RIPK1: variants seen among roughly 807,000 people sequenced by gnomAD.
RIPK1 encodes the protein receptor-interacting serine/threonine-protein kinase 1.
Under a neutral mutation model 62.4 loss-of-function variants are expected in RIPK1, and 27 were observed. The ratio of observed to expected loss-of-function variants is 0.43; its 90% CI spans 0.32 to 0.60. RIPK1 has a LOEUF of 0.60. Among genes scored for constraint, RIPK1 ranks in the 20% least tolerant of loss-of-function variants. The pLI, the probability that RIPK1 is intolerant of heterozygous loss-of-function variation, is 0.07. For missense variants in RIPK1, 735 were observed against 831.0 expected (o/e 0.88, Z 1.42); for synonymous variants, 287 against 303.2 (o/e 0.95, Z 0.55).
intron 1 of RIPK1, among the ~76,000 whole-genome samples, chr6:3,075,086 C>G (rs1391934587): frequency 6.6e-6 from 1 of 152,218 alleles, no homozygotes; most frequent in Non-Finnish European, 1.5e-5. Flanking sequence ...TGTCCGTGTC[C>G]TGTTGGTTTG....
intron 9 of RIPK1, among the ~76,000 whole-genome samples, chr6:3,107,907 A>G (rs1323494587): frequency 6.6e-6 from 1 of 151,882 alleles, no homozygotes; most frequent in Non-Finnish European, 1.5e-5. Flanking sequence ...TCTACAATAG[A>G]TAATAGAATT....
intron 7 of RIPK1, among the ~76,000 whole-genome samples, chr6:3,098,779 T>C (rs1164165993): frequency 6.6e-6 from 1 of 152,172 alleles, no homozygotes; most frequent in East Asian, 1.9e-4. Context: ...AGTTGGAGAT[T>C]GGGGTGCAAG....
chr6:3,065,175 T>C (rs28458210), upstream of RIPK1, among the ~76,000 whole-genome samples: 3,610 of 143,822 alleles, frequency 0.025, 66 homozygotes, highest in South Asian at 0.072. Flanking sequence ...GAGAATGGCG[T>C]GAACCCGGGA....
At chr6:3,081,887 A>T in intron 4 of RIPK1, among the ~76,000 whole-genome samples, 1 of 144,976 alleles carries the variant, frequency 6.9e-6, no homozygotes, top group African/African-American at 2.7e-5. Flanking sequence ...AAAAAAAAAA[A>T]AAAAAAAAAA....
At chr6:3,078,682 G>C (rs1759223889) in intron 3 of RIPK1, among the ~76,000 whole-genome samples, 1 of 152,206 alleles carries the variant, frequency 6.6e-6, no homozygotes. Context: ...ATTCAACAAA[G>C]TTTTATTTTA....
At chr6:3,098,077 C>T (rs1006136706) in intron 7 of RIPK1, among the ~76,000 whole-genome samples, 5 of 152,120 alleles carry the variant, frequency 3.3e-5, no homozygotes, top group African/African-American at 7.2e-5. Flanking sequence ...TGCCCACTTT[C>T]GGTCCCAGCT....
chr6:3,085,528 T>A, intron 6 of RIPK1, 120 bp downstream of exon 6: 2 of 1,016,464 alleles, frequency 2.0e-6, no homozygotes, highest in Non-Finnish European at 2.9e-6. Flanking sequence ...CTTGTGGTTT[T>A]AAACTGATTT....
intron 7 of RIPK1, among the ~76,000 whole-genome samples, chr6:3,097,638 A>G (rs1270114458): frequency 6.6e-6 from 1 of 152,214 alleles, no homozygotes; most frequent in East Asian, 1.9e-4. Flanking sequence ...TTATAAAGCT[A>G]TTGGAAAATA....
chr6:3,077,959 G>A, intron 3 of RIPK1, 24 bp downstream of exon 3: 1 of 1,611,674 alleles, frequency 6.2e-7, no homozygotes, highest in East Asian at 2.2e-5. Context: ...CTCCGCACGG[G>A]GATCCCCAGC....
chr6:3,087,101 A>G (rs1257116127), intron 6 of RIPK1, among the ~76,000 whole-genome samples: 1 of 152,106 alleles, frequency 6.6e-6, no homozygotes, highest in Non-Finnish European at 1.5e-5. Context: ...CTGTCATTCT[A>G]AAATTTTTTT....
chr6:3,107,418 A>T (rs1165908277), intron 9 of RIPK1, among the ~76,000 whole-genome samples: 2 of 149,952 alleles, frequency 1.3e-5, no homozygotes, highest in South Asian at 2.1e-4. Flanking sequence ...AAAAAAAAAA[A>T]GCTGGGCATA....
chr6:3,094,110 GTACCTACC>G (rs1561765257), intron 7 of RIPK1, among the ~76,000 whole-genome samples: 12 of 137,550 alleles, frequency 8.7e-5, no homozygotes, highest in Middle Eastern at 3.5e-3. Context: ...TAACTGCAGA[GTACCTACC>G]TGCCGCACCT....
At chr6:3,097,194 T>C (rs1057260286) in intron 7 of RIPK1, among the ~76,000 whole-genome samples, 1 of 152,046 alleles carries the variant, frequency 6.6e-6, no homozygotes, top group African/African-American at 2.4e-5. Context: ...TTTAGTTTTG[T>C]GTGTGTGTGG....
chr6:3,066,554 G>C (rs190774209), upstream of RIPK1, among the ~76,000 whole-genome samples: 112 of 151,998 alleles, frequency 7.4e-4, no homozygotes, highest in African/African-American at 2.7e-3. Flanking sequence ...AAAAAATAAT[G>C]AATAGACTTT....
chr6:3,075,983 CCTT>C (rs1329366020), intron 1 of RIPK1, among the ~76,000 whole-genome samples: 5 of 152,148 alleles, frequency 3.3e-5, no homozygotes, highest in African/African-American at 9.6e-5. Flanking sequence ...CTTCATTCTA[CCTT>C]CTTTTCTTGT....
chr6:3,088,268 G>C (rs1194249871), intron 6 of RIPK1, among the ~76,000 whole-genome samples: 1 of 152,220 alleles, frequency 6.6e-6, no homozygotes, highest in Admixed American at 6.5e-5. Context: ...GACACCTAAG[G>C]TCAGAGGCTC....
chr6:3,068,473 G>T, upstream of RIPK1: 1 of 985,326 alleles, frequency 1.0e-6, no homozygotes, highest in Non-Finnish European at 1.2e-6. Flanking sequence ...GGCCGGGGCA[G>T]GGGGAGGAGG....
upstream of RIPK1, among the ~76,000 whole-genome samples, chr6:3,066,752 A>T (rs1488687880): frequency 1.3e-5 from 2 of 152,196 alleles, no homozygotes; most frequent in Admixed American, 6.5e-5. Context: ...AAACATATAC[A>T]TTATCAGCCA....
chr6:3,090,679 A>C (rs1760008734), intron 7 of RIPK1, among the ~76,000 whole-genome samples: 1 of 152,106 alleles, frequency 6.6e-6, no homozygotes, highest in Non-Finnish European at 1.5e-5. Flanking sequence ...AAAAATCAGT[A>C]AGGATATAGA....
Sources: gnomAD v4.1 joint callset for allele counts (sites outside exome capture counted in the v4.1 genomes callset) on GRCh38, gnomAD v4.1.1 for gene constraint, MANE v1.5 for transcripts, NCBI Gene and HGNC (gene_info 2026-07-23, HGNC 2026-07-21) for gene names.